Variants in OXCT1 observed in about 807,000 individuals in gnomAD.
The protein encoded by OXCT1 is 3-oxoacid CoA-transferase 1.
In OXCT1, 27 loss-of-function variants were observed where a neutral mutation model predicts 69.6. The ratio of observed to expected loss-of-function variants is 0.39; its 90% CI spans 0.29 to 0.54. The LOEUF is 0.54. Among genes scored for constraint, OXCT1 ranks in the 20% least tolerant of loss-of-function variants. The probability of loss-of-function intolerance (pLI) is 0.72; values close to 1 mark genes in which losing one functional copy is unlikely to be tolerated. For synonymous variants in OXCT1, 202 were observed against 217.8 expected, an observed-to-expected ratio of 0.93 and a Z score of 0.64; for missense variants, 437 against 650.2, an observed-to-expected ratio of 0.67 and a Z score of 3.57.
intron 7 of OXCT1, among the ~76,000 whole-genome samples, chr5:41,820,787 G>A (rs370542402): frequency 2.0e-5 from 3 of 152,182 alleles, no homozygotes; most frequent in African/African-American, 4.8e-5. Context: ...GATGGCAAGC[G>A]TAAAATGCCT....
chr5:41,787,211 A>T lies in OXCT1; in HGVS notation c.1248+6792T>A, dbSNP rs78285567. The stretch of plus-strand genomic sequence containing the variant: ...ATTTCTAGGGATTTGTACTAAGAAA[A>T]CCATCAGTAAATACACAATGACATA... On this transcript the variant is annotated intron_variant, in intron 13 of 16. Transcript: ENST00000196371. Among the ~76,000 whole-genome samples, 448 of 152,300 alleles carry T rather than the reference A, an allele frequency of 2.9e-3. 5 individuals carry two copies. Among genetic ancestry groups the T allele is most frequent in the Non-Finnish European group, 4.6e-3 (316 of 68,024 alleles).
chr5:41,788,427 T>C (rs1745755579), intron 13 of OXCT1, among the ~76,000 whole-genome samples: 1 of 152,158 alleles, frequency 6.6e-6, no homozygotes. Context: ...GATTATAAGA[T>C]AACAATCTAA....
intron 9 of OXCT1, among the ~76,000 whole-genome samples, chr5:41,803,575 A>G (rs1579770059): frequency 1.3e-5 from 2 of 152,244 alleles, no homozygotes; most frequent in African/African-American, 4.8e-5. Flanking sequence ...GTCTTTATTG[A>G]TAAATGGAGT....
rs539210064 is a variant in OXCT1 at position 41,823,516 on chromosome 5, C to G, written c.733-16078G>C. Among the ~76,000 whole-genome samples, 3 of 152,346 alleles carry G rather than the reference C, an allele frequency of 2.0e-5. No individual in the cohort carries two copies. The East Asian group carries it at 5.8e-4, about 29-fold the overall frequency. ...AGATTTCTGCTACTAGGCTTCTGCT[C>G]CAGTCAGTTGTGATTCTCCGTATTA... On this transcript the variant is annotated intron_variant, in intron 7 of 16. Transcript: ENST00000196371.
chr5:41,740,477 A>C (rs1230071284), intron 15 of OXCT1, among the ~76,000 whole-genome samples: 1 of 152,210 alleles, frequency 6.6e-6, no homozygotes, highest in Non-Finnish European at 1.5e-5. Context: ...GAAACATTCC[A>C]TCATTCTGGT....
chr5:41,756,540 A>T (rs1744082939), intron 14 of OXCT1, among the ~76,000 whole-genome samples: 1 of 152,156 alleles, frequency 6.6e-6, no homozygotes, highest in Non-Finnish European at 1.5e-5. Context: ...AGACAGAAGC[A>T]TGTAACAACT....
intron 5 of OXCT1, among the ~76,000 whole-genome samples, chr5:41,845,486 T>C (rs570555320): frequency 1.3e-5 from 2 of 152,118 alleles, no homozygotes; most frequent in Non-Finnish European, 2.9e-5. Flanking sequence ...ACCACAGTGC[T>C]TAGACCAGGG....
At chr5:41,828,561 C>G (rs1747935021) in intron 7 of OXCT1, among the ~76,000 whole-genome samples, 1 of 152,164 alleles carries the variant, frequency 6.6e-6, no homozygotes, top group African/African-American at 2.4e-5. Flanking sequence ...TTGACAGAGG[C>G]ATCATGCTTT....
At chr5:41,852,443 G>A (rs1280499806) in intron 4 of OXCT1, among the ~76,000 whole-genome samples, 1 of 152,112 alleles carries the variant, frequency 6.6e-6, no homozygotes. Flanking sequence ...ATTTTCTGTT[G>A]ACTAAAATAA....
intron 13 of OXCT1, among the ~76,000 whole-genome samples, chr5:41,775,236 TCCCCATTTCAAACCCTGATAGCAA>T (rs1371772858): frequency 2.4e-4 from 36 of 152,174 alleles, no homozygotes; most frequent in Non-Finnish European, 4.4e-4. Context: ...ACAAAACTGC[TCCCCATTTCAAACCCTGATAGCAA>T]GTCCAGGCCA....
chr5:41,869,427 C>T (rs1488137921), intron 1 of OXCT1, among the ~76,000 whole-genome samples: 1 of 152,208 alleles, frequency 6.6e-6, no homozygotes, highest in African/African-American at 2.4e-5. Context: ...GGGCTCCAGA[C>T]AGGGGTGGGC....
At chr5:41,842,618 G>A in intron 6 of OXCT1, 57 bp downstream of exon 6, 1 of 1,170,616 alleles carries the variant, frequency 8.5e-7, no homozygotes, top group Non-Finnish European at 1.3e-6. Flanking sequence ...AATTCACTCT[G>A]ATGTCCATTT....
intron 16 of OXCT1, among the ~76,000 whole-genome samples, chr5:41,738,358 G>A (rs1233546315): frequency 2.0e-5 from 3 of 152,134 alleles, no homozygotes; most frequent in Admixed American, 2.0e-4. Flanking sequence ...GGGACCTGGT[G>A]GGAGGTAACT....
At chr5:41,743,157 T>C (rs1319813399) in intron 15 of OXCT1, among the ~76,000 whole-genome samples, 1 of 152,224 alleles carries the variant, frequency 6.6e-6, no homozygotes, top group African/African-American at 2.4e-5. Context: ...CCTGACTTTT[T>C]AATGATTGCC....
At chr5:41,800,894 T>C in intron 11 of OXCT1, 128 bp downstream of exon 11, 1 of 826,464 alleles carries the variant, frequency 1.2e-6, no homozygotes, top group South Asian at 1.4e-5. Context: ...CAAAAAAGCT[T>C]ATCTCTCCTC....
intron 7 of OXCT1, among the ~76,000 whole-genome samples, chr5:41,815,799 T>G (rs1368714642): frequency 6.6e-6 from 1 of 152,152 alleles, no homozygotes; most frequent in Admixed American, 6.6e-5. Flanking sequence ...CATTTTTCAG[T>G]GAAGAGAGTC....
chr5:41,766,432 G>T (rs1310344509), intron 13 of OXCT1, among the ~76,000 whole-genome samples: 2 of 151,842 alleles, frequency 1.3e-5, no homozygotes, highest in Non-Finnish European at 2.9e-5. Context: ...ATAGATTTAA[G>T]CTGAAATCAA....
intron 13 of OXCT1, among the ~76,000 whole-genome samples, chr5:41,792,592 A>G (rs1745976761): frequency 6.6e-6 from 1 of 152,164 alleles, no homozygotes; most frequent in Non-Finnish European, 1.5e-5. Context: ...TATTTCCACA[A>G]ACTTTCTATC....
intron 7 of OXCT1, among the ~76,000 whole-genome samples, chr5:41,820,552 G>A (rs1030541387): frequency 6.6e-6 from 1 of 152,126 alleles, no homozygotes; most frequent in Non-Finnish European, 1.5e-5. Flanking sequence ...TTAGGGATTA[G>A]TGAACTGCAA....
Sources: gnomAD v4.1 joint callset for allele counts (sites outside exome capture counted in the v4.1 genomes callset) on GRCh38, gnomAD v4.1.1 for gene constraint, MANE v1.5 for transcripts, NCBI Gene and HGNC (gene_info 2026-07-23, HGNC 2026-07-21) for gene names.